Variants in C6orf163 observed in about 807,000 individuals in gnomAD.
C6orf163 encodes uncharacterized protein C6orf163.
Under a neutral mutation model 28.4 loss-of-function variants are expected in C6orf163, and 22 were observed. The ratio of observed to expected loss-of-function variants is 0.78; its 90% CI spans 0.55 to 1.11. The LOEUF is 1.11. Ranked by LOEUF, C6orf163 falls within the 50% of genes least tolerant of loss-of-function variation. The probability of loss-of-function intolerance (pLI) is 0.00; values close to 1 mark genes in which losing one functional copy is unlikely to be tolerated. For missense variants in C6orf163, 342 were observed against 389.1 expected (o/e 0.88, Z 1.02); for synonymous variants, 110 against 123.6 (o/e 0.89, Z 0.73).
intron 3 of C6orf163, 114 bp downstream of exon 3, chr6:87,350,615 C>A (rs1582105430): frequency 3.1e-6 from 2 of 642,296 alleles, no homozygotes; most frequent in South Asian, 2.0e-5. Flanking sequence ...TGTTTCATGG[C>A]CATTAGCTGG....
At chr6:87,350,573 T>A in intron 3 of C6orf163, 72 bp downstream of exon 3, 2 of 871,286 alleles carry the variant, frequency 2.3e-6, no homozygotes, top group Admixed American at 2.7e-5. Flanking sequence ...GGCAAGGGAA[T>A]GAGAAAAAAA....
intron 4 of C6orf163, among the ~76,000 whole-genome samples, chr6:87,364,291 A>AAT (rs397752934): frequency 9.2e-5 from 14 of 151,922 alleles, no homozygotes; most frequent in Non-Finnish European, 2.1e-4. Flanking sequence ...TCAAAAAAAA[A>AAT]GTTAAATTAT....
intron 3 of C6orf163, among the ~76,000 whole-genome samples, chr6:87,352,781 CT>C (rs1222583517): frequency 6.6e-6 from 1 of 152,142 alleles, no homozygotes; most frequent in Non-Finnish European, 1.5e-5. Context: ...AATGTTGTGA[CT>C]CACCATGCCC....
chr6:87,364,520 G>T (rs1052868221), intron 4 of C6orf163, among the ~76,000 whole-genome samples: 2 of 152,086 alleles, frequency 1.3e-5, no homozygotes, highest in African/African-American at 2.4e-5. Context: ...GTATTGCTCA[G>T]ATAAAATCAA....
rs1021686576 is a variant in C6orf163, at chr6:87,357,104, A to G, written c.554+601A>G. ...CTCCCAGAGACAGTTATTTTAAACA[A>G]TAGAGTCTATATCCTTCCATGCCCT... On this transcript the variant is annotated intron_variant, in intron 4 of 4. Transcript: ENST00000388923. 2.6e-5 allele frequency: 4 copies of G among 153,984 alleles called. No individual in the cohort carries two copies. In the South Asian group the frequency reaches 6.1e-4, roughly 23 times the overall value. 9.5% of individuals were successfully genotyped at this position (153,984 alleles called of 1,614,324 possible).
chr6:87,351,739 C>CT lies in C6orf163; in HGVS notation c.351+1239dup, dbSNP rs917320920. On this transcript the variant is annotated intron_variant, in intron 3 of 4. Coordinates refer to ENST00000388923, the MANE Select transcript of C6orf163 (RefSeq NM_001010868.3). ...GATAAATAGTTACCCGCTAAGCCCT[C>CT]TATCACCTTGGTCACCCTGGTTGCT... Among the ~76,000 whole-genome samples, 205 of 152,364 alleles carry CT rather than the reference C, an allele frequency of 1.3e-3. 1 individual carries two copies. The highest frequency in any genetic ancestry group is 4.6e-3 in the African/African-American group (191 of 41,580).
rs749068836 is a variant in C6orf163, at chr6:87,348,879, G to A, written c.216G>A (p.Ala72=). The A allele has an allele frequency of 5.9e-6, 9 of 1,537,394 alleles. No homozygotes were observed. The Admixed American group carries it at 5.9e-5, about 10-fold the overall frequency. ...FQEDILREHI[A]KAEAEVWAQA... ...AAGATATACTCAGAGAACACATTGC[G>A]AAAGCAGAAGCTGAAGTATGGGCTC... Residue 72 remains alanine, a synonymous_variant, in exon 2 of 5, where the codon GCG becomes GCA. Transcript: ENST00000388923.
chr6:87,356,348 C>T lies in C6orf163; in HGVS notation c.399C>T (p.Asp133=), dbSNP rs749300402. ...TKTEMYQNMD[D]EMKREHLAAE... is the part of the protein sequence containing the mutation. Reference sequence around the variant, plus strand: ...CAGAGATGTATCAAAACATGGATGACGAAATGAAGAGAGAGCACTTGGCTG... The same window carrying T: ...CAGAGATGTATCAAAACATGGATGATGAAATGAAGAGAGAGCACTTGGCTG... The change falls in exon 4 of 5, where the codon GAC becomes GAT. Residue 133 remains aspartate, a synonymous_variant. Transcript: ENST00000388923. 24 of 1,551,432 alleles carry T rather than the reference C, an allele frequency of 1.5e-5. No individual in the cohort carries two copies. The highest frequency in any genetic ancestry group is 4.9e-5 in the East Asian group (2 of 40,936).
At chr6:87,356,167 C>A in intron 3 of C6orf163, 134 bp from the exon 4 acceptor site, 1 of 748,780 alleles carries the variant, frequency 1.3e-6, no homozygotes, top group Non-Finnish European at 2.2e-6. Flanking sequence ...CATACACACT[C>A]TTCTTTTAAA....
chr6:87,352,995 A>G (rs1403858717), intron 3 of C6orf163, among the ~76,000 whole-genome samples: 1 of 152,242 alleles, frequency 6.6e-6, no homozygotes, highest in African/African-American at 2.4e-5. Context: ...AGTAAAAGCA[A>G]TTTATTTCAA....
At chr6:87,352,957 G>A (rs139695031) in intron 3 of C6orf163, among the ~76,000 whole-genome samples, 10 of 152,184 alleles carry the variant, frequency 6.6e-5, no homozygotes, top group East Asian at 3.9e-4. Flanking sequence ...ATCTCAAAAC[G>A]TGGGGTGACT....
chr6:87,361,130 C>A (rs1195074653), intron 4 of C6orf163, among the ~76,000 whole-genome samples: 2 of 151,870 alleles, frequency 1.3e-5, no homozygotes, highest in Non-Finnish European at 2.9e-5. Context: ...ACAAAAAATA[C>A]AAAAATTAGC....
Position 87,365,139 on chromosome 6 carries a change from G to A in C6orf163, c.733G>A (p.Ala245Thr). ...VLQEAEKTHQ[A>T]TLGNMMDKLA... ...TCAAGAAGCAGAGAAAACACATCAG[G>A]CCACTCTTGGCAATATGATGGATAA... The change falls in exon 5 of 5, where the codon GCC (alanine) becomes ACC (threonine). Residue 245 changes from alanine to threonine, a missense_variant. Physicochemically the swap from Ala to Thr is moderately conservative, Grantham distance 58 (BLOSUM62 0). Transcript: ENST00000388923. 6.4e-7 allele frequency: 1 copy of A among 1,551,942 alleles called. No homozygotes were observed. Among genetic ancestry groups the A allele is most frequent in the South Asian group, 1.2e-5 (1 of 84,056 alleles).
Position 87,345,187 on chromosome 6 carries a change from A to C in C6orf163, c.88A>C (p.Lys30Gln), listed in dbSNP as rs1466953781. 6.5e-7 allele frequency: 1 copy of C among 1,536,938 alleles called. No homozygotes were observed. The highest frequency in any genetic ancestry group is 8.7e-7 in the Non-Finnish European group (1 of 1,146,806). The change falls in exon 1 of 5, where the codon AAA becomes CAA. Residue 30 changes from lysine (K) to glutamine (Q), a missense_variant. By Grantham distance (53) the Lys-to-Gln change is moderately conservative. Transcript: ENST00000388923. The part of the protein sequence containing the change: ...IPPAPFGKTF[K>Q]RIHEYKPLKT... ...ACCAGCCCCTTTTGGAAAAACCTTC[A>C]AACGGATCCATGAATACAAGCCACT...
chr6:87,347,322 T>A (rs1777340082), intron 1 of C6orf163: 2 of 881,984 alleles, frequency 2.3e-6, no homozygotes, highest in Non-Finnish European at 1.4e-6. Flanking sequence ...TGTGCATTTT[T>A]AAAAAAAGCT....
intron 4 of C6orf163, chr6:87,357,537 G>A (rs1206472871): frequency 1.3e-5 from 2 of 152,230 alleles, no homozygotes; most frequent in African/African-American, 4.8e-5. Flanking sequence ...AAATGAGAAT[G>A]AGAGCTGCAG....
chr6:87,354,083 T>A (rs1777460719), intron 3 of C6orf163, among the ~76,000 whole-genome samples: 1 of 152,198 alleles, frequency 6.6e-6, no homozygotes, highest in Non-Finnish European at 1.5e-5. Context: ...GGTCTCGAAC[T>A]CCTGGCCTCC....
In C6orf163 at chr6:87,365,089, G is replaced by GGCAAGAAGAGGTACAGGAAGTGCT; in HGVS notation, c.684_707dup (p.Glu231_Glu238dup). On this transcript the variant is annotated inframe_insertion, in exon 5 of 5. Coordinates refer to ENST00000388923, the MANE Select transcript of C6orf163 (RefSeq NM_001010868.3). ...CTCTATGGCATAGCTCAGAGGCAGA[G>GGCAAGAAGAGGTACAGGAAGTGCT]GCAAGAAGAGGTACAGGAAGTGCTT... The GGCAAGAAGAGGTACAGGAAGTGCT allele has an allele frequency of 1.3e-6, 2 of 1,551,980 alleles. No homozygotes were observed. The highest frequency in any genetic ancestry group is 1.7e-6 in the Non-Finnish European group (2 of 1,147,072).
intron 4 of C6orf163, among the ~76,000 whole-genome samples, chr6:87,361,135 A>G (rs1158889444): frequency 6.6e-6 from 1 of 152,010 alleles, no homozygotes; most frequent in Non-Finnish European, 1.5e-5. Flanking sequence ...AAATACAAAA[A>G]TTAGCTGGGC....
Sources: gnomAD v4.1 joint callset for allele counts (sites outside exome capture counted in the v4.1 genomes callset) on GRCh38, gnomAD v4.1.1 for gene constraint, MANE v1.5 for transcripts, NCBI Gene and HGNC (gene_info 2026-07-23, HGNC 2026-07-21) for gene names.